The following HFM1 variants were observed in gnomAD, a reference collection of about 807,000 sequenced individuals.
HFM1 encodes probable ATP-dependent DNA helicase HFM1.
In HFM1, 169 loss-of-function variants were observed where a neutral mutation model predicts 192.1. The observed-to-expected ratio is 0.88, with a 90% confidence interval of 0.78 to 1.00. The LOEUF (loss-of-function observed/expected upper bound fraction) is 1.00, where lower values mean the gene tolerates loss of function less well. Among genes scored for constraint, HFM1 ranks in the 50% least tolerant of loss-of-function variants. The pLI, the probability that HFM1 is intolerant of heterozygous loss-of-function variation, is 0.00. For missense variants in HFM1, 1,661 were observed against 1,668.0 expected (o/e 1.00, Z 0.07); for synonymous variants, 525 against 537.8 (o/e 0.98, Z 0.33).
chr1:91,263,325 G>A (rs1665344917), intron 36 of HFM1, among the ~76,000 whole-genome samples: 1 of 152,164 alleles, frequency 6.6e-6, no homozygotes, highest in African/African-American at 2.4e-5. Flanking sequence ...GCCATGTAAG[G>A]AGCAATGGGC....
chr1:91,351,710 C>T, intron 16 of HFM1, 67 bp from the exon 17 acceptor site: 2 of 729,312 alleles, frequency 2.7e-6, no homozygotes, highest in Non-Finnish European at 4.7e-6. Flanking sequence ...TCTTCAATAA[C>T]TGAAGACTTC....
chr1:91,278,114 C>T (rs1305389206), intron 30 of HFM1, among the ~76,000 whole-genome samples: 2 of 150,378 alleles, frequency 1.3e-5, no homozygotes, highest in South Asian at 2.1e-4. Context: ...AAGAAGTAAA[C>T]ATTATGGCAT....
intron 13 of HFM1, among the ~76,000 whole-genome samples, chr1:91,372,175 T>C (rs1472128757): frequency 6.6e-6 from 1 of 152,210 alleles, no homozygotes. Context: ...TGGAAGTCAT[T>C]GTGGCGATTC....
At chr1:91,324,537 C>T in intron 21 of HFM1, 138 bp downstream of exon 21, 2 of 581,866 alleles carry the variant, frequency 3.4e-6, no homozygotes, top group Non-Finnish European at 6.1e-6. Flanking sequence ...AGAATTATAC[C>T]AGAGGATATA....
chr1:91,361,215 T>G (rs1178974163), intron 13 of HFM1, among the ~76,000 whole-genome samples: 2 of 149,540 alleles, frequency 1.3e-5, no homozygotes, highest in South Asian at 2.1e-4. Flanking sequence ...CCGAAGGAGA[T>G]AGAGACATGA....
intron 2 of HFM1, among the ~76,000 whole-genome samples, chr1:91,398,114 C>T (rs904219924): frequency 5.9e-5 from 9 of 152,186 alleles, no homozygotes; most frequent in African/African-American, 1.9e-4. Context: ...AAGCCGCCCT[C>T]GCAAACAGGC....
chr1:91,375,247 A>G, intron 13 of HFM1, 111 bp downstream of exon 13: 1 of 669,772 alleles, frequency 1.5e-6, no homozygotes, highest in South Asian at 2.0e-5. Context: ...TATTTTATAG[A>G]TGAGGACACT....
chr1:91,313,393 T>C lies in HFM1; in HGVS notation c.3347A>G (p.His1116Arg). 1 of 1,595,580 alleles carries C rather than the reference T, an allele frequency of 6.3e-7. No individual in the cohort carries two copies. Among genetic ancestry groups the C allele is most frequent in the Non-Finnish European group, 8.6e-7 (1 of 1,166,278 alleles). The part of the protein sequence containing the change: ...MQRKSETQIS[H>R]SKHSDISTIA... ...TGTAGATATGTCTGAATGTTTAGAA[T>C]GGGAAATCTGTGTTTCAGATTTTCT... The change falls in exon 30 of 39, where the codon CAT (histidine) becomes CGT (arginine). Residue 1116 changes from histidine (H) to arginine (R), a missense_variant. His to Arg is a conservative substitution (Grantham distance 29, BLOSUM62 0). Coordinates refer to ENST00000370425, the MANE Select transcript of HFM1 (RefSeq NM_001017975.6).
intron 34 of HFM1, 146 bp from the exon 35 acceptor site, chr1:91,268,001 G>T (rs1158069084): frequency 1.7e-6 from 1 of 581,492 alleles, no homozygotes; most frequent in African/African-American, 2.0e-5. Flanking sequence ...TTATGTGTAT[G>T]TATAAAAGAC....
intron 13 of HFM1, among the ~76,000 whole-genome samples, chr1:91,355,874 GA>G (rs564130868): frequency 1.3e-3 from 205 of 152,224 alleles, no homozygotes; most frequent in African/African-American, 4.8e-3. Flanking sequence ...GGACCTAACA[GA>G]CAAATATAGA....
At chr1:91,334,643 G>A (rs1654311750) in intron 20 of HFM1, among the ~76,000 whole-genome samples, 1 of 151,992 alleles carries the variant, frequency 6.6e-6, no homozygotes, top group Non-Finnish European at 1.5e-5. Flanking sequence ...AGAGGTTACT[G>A]GATTCGGCCG....
chr1:91,351,419 A>G, intron 17 of HFM1, 130 bp downstream of exon 17: 1 of 552,518 alleles, frequency 1.8e-6, no homozygotes. Context: ...TTTCTAGTTA[A>G]ATAGTTGAAA....
chr1:91,314,120 T>C, intron 28 of HFM1, 60 bp from the exon 29 acceptor site: 3 of 1,000,504 alleles, frequency 3.0e-6, no homozygotes, highest in South Asian at 3.1e-5. Context: ...ATATTAATCT[T>C]GAAGGGCTGA....
intron 20 of HFM1, among the ~76,000 whole-genome samples, chr1:91,327,161 G>C (rs185919918): frequency 1.3e-5 from 2 of 152,148 alleles, no homozygotes. Flanking sequence ...AATGGCAGGA[G>C]TAAGTTCCTA....
At position 91,267,837 on chromosome 1, in the gene HFM1, A is replaced by C; in HGVS notation, c.3791T>G (p.Phe1264Cys). The stretch of plus-strand genomic sequence containing the variant: ...ATCCCAAACTTCATTTCCCAATTCA[A>C]AGTTCACATTCAAAACTTCTGAAAA... ...YQDKEVLNVN[F>C]ELGNEVWDDF... The change falls in exon 35 of 39, where the codon TTT becomes TGT. Residue 1264 changes from phenylalanine (F) to cysteine (C), a missense_variant. By Grantham distance (205) the Phe-to-Cys change is radical. Transcript: ENST00000370425. 1 of 1,574,570 alleles carries C rather than the reference A, an allele frequency of 6.4e-7. No homozygotes were observed. The highest frequency in any genetic ancestry group is 8.6e-7 in the Non-Finnish European group (1 of 1,162,678).
chr1:91,385,517 G>T, intron 5 of HFM1, 58 bp downstream of exon 5: 1 of 1,366,674 alleles, frequency 7.3e-7, no homozygotes, highest in Non-Finnish European at 1.0e-6. Context: ...TTTCCCCCAT[G>T]CTAAGAAATG....
chr1:91,406,923 A>T (rs971481921), upstream of HFM1, among the ~76,000 whole-genome samples: 1 of 152,216 alleles, frequency 6.6e-6, no homozygotes, highest in Admixed American at 6.5e-5. Context: ...CCCAAGTTCC[A>T]GCTTAGCAAG....
intron 11 of HFM1, 141 bp downstream of exon 11, chr1:91,377,884 T>C: frequency 1.3e-6 from 1 of 757,644 alleles, no homozygotes; most frequent in Admixed American, 2.7e-5. Context: ...GTTATATTTA[T>C]GAGATCTAGC....
Position 91,351,578 on chromosome 1 carries a change from C to T in HFM1, c.2043G>A (p.Met681Ile). ...RLSTRDKYIQ[M>I]LACRDTVESS... ...TTTCTACAGTGTCTCTACAAGCTAA[C>T]ATCTGAATGTACTTGTCCCTTGTGC... The change falls in exon 17 of 39, where the codon ATG (methionine) becomes ATA (isoleucine). Residue 681 changes from methionine to isoleucine, a missense_variant. Met to Ile is a conservative substitution (Grantham distance 10). Coordinates refer to ENST00000370425, the MANE Select transcript of HFM1 (RefSeq NM_001017975.6). 6.3e-7 allele frequency: 1 copy of T among 1,596,076 alleles called. No individual in the cohort carries two copies. The highest frequency in any genetic ancestry group is 1.7e-4 in the Middle Eastern group (1 of 6,022).
Sources: allele counts gnomAD v4.1 joint callset (sites outside exome capture counted in the v4.1 genomes callset), GRCh38; gene constraint gnomAD v4.1.1; transcripts MANE v1.5; gene names NCBI Gene and HGNC (gene_info 2026-07-23, HGNC 2026-07-21).